The following SLC13A1 variants were observed in gnomAD, a reference collection of about 807,000 sequenced individuals.
SLC13A1 encodes solute carrier family 13 member 1, also known as Na(+)/sulfate cotransporter.
SLC13A1 carries 65 observed loss-of-function variants against 70.0 expected under a neutral mutation model. That is an observed-to-expected ratio of 0.93 (90% confidence interval 0.76 to 1.14). The LOEUF (loss-of-function observed/expected upper bound fraction) is 1.14. SLC13A1 is among the 50% of genes most tolerant of loss of function. The probability of loss-of-function intolerance (pLI) is 0.00; values close to 1 mark genes in which losing one functional copy is unlikely to be tolerated. For synonymous variants in SLC13A1, 275 were observed against 250.5 expected, an observed-to-expected ratio of 1.10 and a Z score of -0.92; for missense variants, 726 against 717.8, an observed-to-expected ratio of 1.01 and a Z score of -0.13.
intron 6 of SLC13A1, among the ~76,000 whole-genome samples, chr7:123,166,443 T>G (rs190568504): frequency 1.3e-5 from 2 of 152,224 alleles, no homozygotes; most frequent in East Asian, 3.9e-4. Context: ...GTGTACAATG[T>G]GCAGGTTAGT....
chr7:123,133,435 A>G (rs1256476802), intron 8 of SLC13A1, among the ~76,000 whole-genome samples: 1 of 150,736 alleles, frequency 6.6e-6, no homozygotes, highest in Non-Finnish European at 1.5e-5. Context: ...TTCCCCTTTA[A>G]CAAGTTGGAC....
At chr7:123,196,789 G>GTGT (rs1373243606) in intron 1 of SLC13A1, among the ~76,000 whole-genome samples, 1 of 152,104 alleles carries the variant, frequency 6.6e-6, no homozygotes, top group Non-Finnish European at 1.5e-5. Context: ...AGAAATGCCT[G>GTGT]TGTTGTTGAC....
chr7:123,195,615 A>T (rs1018180609), intron 1 of SLC13A1, among the ~76,000 whole-genome samples: 2 of 151,920 alleles, frequency 1.3e-5, no homozygotes, highest in African/African-American at 4.8e-5. Context: ...TAGCACCATA[A>T]GTCTCTCATC....
intron 6 of SLC13A1, among the ~76,000 whole-genome samples, chr7:123,147,730 A>C (rs1173222588): frequency 6.6e-6 from 1 of 152,176 alleles, no homozygotes; most frequent in Non-Finnish European, 1.5e-5. Context: ...ATATGAGCTG[A>C]CTAATATAGC....
chr7:123,131,400 T>C (rs1793754749), intron 8 of SLC13A1, among the ~76,000 whole-genome samples: 1 of 152,098 alleles, frequency 6.6e-6, no homozygotes, highest in Non-Finnish European at 1.5e-5. Flanking sequence ...CATATATAGT[T>C]TATCATTTTG....
Position 123,115,671 on chromosome 7 carries a change from G to T in SLC13A1, c.1651-16C>A. The T allele has an allele frequency of 3.1e-6, 5 of 1,612,530 alleles. No individual in the cohort carries two copies. Among genetic ancestry groups the T allele is most frequent in the Non-Finnish European group, 4.2e-6 (5 of 1,179,042 alleles). ...CAGCTTTAACCTTGAACAGGAAAGA[G>T]CATAAATGTCAGTGTCCCAGAAGAA... On this transcript the variant is annotated splice_polypyrimidine_tract_variant and intron_variant, in intron 14 of 14. Coordinates refer to ENST00000194130, the MANE Select transcript of SLC13A1 (RefSeq NM_022444.4).
rs184012308 is a variant in SLC13A1 at position 123,143,543 on chromosome 7, C to G, written c.812+3616G>C. Among the ~76,000 whole-genome samples, 108 of 152,222 alleles carry G rather than the reference C, an allele frequency of 7.1e-4. No individual in the cohort carries two copies. In the Middle Eastern group the frequency reaches 0.014, roughly 19 times the overall value. ...TTCAATGACTTACAATTGCTGGGCT[C>G]CTCCTCTCCCCACAGCACAAGAATG... On this transcript the variant is annotated intron_variant, in intron 7 of 14. Transcript: ENST00000194130.
At chr7:123,164,718 T>G (rs140415539) in intron 6 of SLC13A1, among the ~76,000 whole-genome samples, 1 of 151,672 alleles carries the variant, frequency 6.6e-6, no homozygotes, top group Non-Finnish European at 1.5e-5. Flanking sequence ...AATGCCCATA[T>G]CAAAAAGTTA....
chr7:123,147,328 A>G lies in SLC13A1; in HGVS notation c.661-18T>C, dbSNP rs1474677804. ...CCTGAGTTCTGTTCAACAACAACAA[A>G]AAACTACCATGAGAACTGCTCTATA... On this transcript the variant is annotated intron_variant, in intron 6 of 14. Transcript: ENST00000194130. 1 of 1,611,792 alleles carries G rather than the reference A, an allele frequency of 6.2e-7. No homozygotes were observed. Among genetic ancestry groups the G allele is most frequent in the African/African-American group, 1.3e-5 (1 of 74,834 alleles).
At chr7:123,184,211 G>A (rs750977804) in intron 1 of SLC13A1, among the ~76,000 whole-genome samples, 1 of 152,038 alleles carries the variant, frequency 6.6e-6, no homozygotes, top group Non-Finnish European at 1.5e-5. Flanking sequence ...AAGTATCTAT[G>A]CATAGTGGAA....
chr7:123,156,097 C>T (rs1423447639), intron 6 of SLC13A1, among the ~76,000 whole-genome samples: 1 of 152,020 alleles, frequency 6.6e-6, no homozygotes, highest in African/African-American at 2.4e-5. Flanking sequence ...AATGTTGAAG[C>T]CTGCTGCTAT....
Position 123,181,267 on chromosome 7 carries a change from C to T in SLC13A1, c.100-166G>A, listed in dbSNP as rs1795630698. The T allele has an allele frequency of 7.0e-6, 4 of 573,212 alleles. No individual in the cohort carries two copies. In the South Asian group the frequency reaches 1.2e-4, roughly 18 times the overall value. 35.5% of individuals were successfully genotyped at this position (573,212 alleles called of 1,614,324 possible). A position where few individuals can be genotyped will look rare whatever the true frequency, so the allele number is the denominator to read the frequency against. On this transcript the variant is annotated intron_variant, in intron 1 of 14. Transcript: ENST00000194130. ...CTCAAATACTCATTTCTTAGAAGTT[C>T]TAAGAAGCAAAATTTAATAAACATA...
chr7:123,123,361 A>G (rs1048430934), intron 11 of SLC13A1, 126 bp from the exon 12 acceptor site: 5 of 619,082 alleles, frequency 8.1e-6, no homozygotes, highest in Admixed American at 4.8e-5. Context: ...TAAAGAGGGG[A>G]ATTAATCTGG....
At chr7:123,162,351 C>T (rs1246936671) in intron 6 of SLC13A1, among the ~76,000 whole-genome samples, 1 of 152,060 alleles carries the variant, frequency 6.6e-6, no homozygotes, top group Admixed American at 6.6e-5. Flanking sequence ...ATGGAGATAG[C>T]ACTTTGACTC....
At chr7:123,124,249 T>G in intron 11 of SLC13A1, among the ~76,000 whole-genome samples, 1 of 152,140 alleles carries the variant, frequency 6.6e-6, no homozygotes, top group East Asian at 1.9e-4. Flanking sequence ...CCAGGGAAGC[T>G]AAAGCCAAAC....
intron 2 of SLC13A1, among the ~76,000 whole-genome samples, chr7:123,177,991 A>G (rs761855669): frequency 6.6e-6 from 1 of 151,072 alleles, no homozygotes; most frequent in Non-Finnish European, 1.5e-5. Context: ...GAGTAAATAC[A>G]TAACATAACA....
chr7:123,146,609 A>G lies in SLC13A1; in HGVS notation c.812+550T>C, dbSNP rs552652888. On this transcript the variant is annotated intron_variant, in intron 7 of 14. Coordinates refer to ENST00000194130, the MANE Select transcript of SLC13A1 (RefSeq NM_022444.4). ...AGTGTTCTACCTGTTGAATCCACAGATTCCCATTTCTGCAATGGAATTGTC... is the reference window on the plus strand; with the variant it reads ...AGTGTTCTACCTGTTGAATCCACAGGTTCCCATTTCTGCAATGGAATTGTC... 8.5e-5 allele frequency among the ~76,000 whole-genome samples: 13 copies of G among 152,352 alleles called. No homozygotes were observed. In the East Asian group the frequency reaches 1.9e-3, roughly 23 times the overall value.
In SLC13A1 at chr7:123,135,411, T is replaced by G. The variant is rs1157552017; in HGVS notation, c.813-882A>C. On this transcript the variant is annotated intron_variant, in intron 7 of 14. Coordinates refer to ENST00000194130, the MANE Select transcript of SLC13A1 (RefSeq NM_022444.4). ...ATAGGAAATTTGAGAAACAGTTGTC[T>G]TTACTTTTTTTCTAAAAGCAATAAC... Among the ~76,000 whole-genome samples, 3 of 152,084 alleles carry G rather than the reference T, an allele frequency of 2.0e-5. No individual in the cohort carries two copies. The East Asian group carries it at 5.8e-4, about 29-fold the overall frequency.
intron 6 of SLC13A1, among the ~76,000 whole-genome samples, chr7:123,167,831 G>T (rs1003970700): frequency 9.9e-5 from 15 of 152,064 alleles, no homozygotes; most frequent in African/African-American, 2.4e-4. Context: ...AATAGGAGTT[G>T]CTCCAAGTTC....
Sources: gnomAD v4.1 joint callset for allele counts (sites outside exome capture counted in the v4.1 genomes callset) on GRCh38, gnomAD v4.1.1 for gene constraint, MANE v1.5 for transcripts, NCBI Gene and HGNC (gene_info 2026-07-23, HGNC 2026-07-21) for gene names.